SPAM1: variants seen among roughly 807,000 people sequenced by gnomAD.
SPAM1 encodes the protein sperm adhesion molecule 1.
A neutral mutation model predicts 29.6 loss-of-function variants in SPAM1; 22 were observed. The ratio of observed to expected loss-of-function variants is 0.74; its 90% CI spans 0.53 to 1.06. The LOEUF is 1.06. Among genes scored for constraint, SPAM1 ranks in the 50% least tolerant of loss-of-function variants. The pLI is 0.00. For missense variants in SPAM1, 534 were observed against 604.0 expected (o/e 0.88, Z 1.21); for synonymous variants, 194 against 204.6 (o/e 0.95, Z 0.44).
downstream of SPAM1, among the ~76,000 whole-genome samples, chr7:123,960,682 C>G (rs530885876): frequency 1.3e-5 from 2 of 151,904 alleles, no homozygotes; most frequent in South Asian, 4.2e-4. Flanking sequence ...TTTCCCCATA[C>G]CCCCCTAGAA....
chr7:123,932,887 G>T (rs1481678974), intron 1 of SPAM1, among the ~76,000 whole-genome samples: 1 of 152,088 alleles, frequency 6.6e-6, no homozygotes, highest in Non-Finnish European at 1.5e-5. Flanking sequence ...AGTGCGCAGG[G>T]TGTCCCAGCC....
At chr7:123,928,129 A>G (rs553150701) in intron 1 of SPAM1, among the ~76,000 whole-genome samples, 69 of 152,230 alleles carry the variant, frequency 4.5e-4, no homozygotes, top group African/African-American at 1.4e-3. Context: ...GTATAAAAAA[A>G]CCCTGCTATA....
chr7:123,960,757 A>G (rs1418108968), downstream of SPAM1, among the ~76,000 whole-genome samples: 1 of 151,902 alleles, frequency 6.6e-6, no homozygotes. Flanking sequence ...TTATGGCACA[A>G]GTCATTAGGA....
chr7:123,935,063 T>C (rs1474149314), intron 1 of SPAM1, among the ~76,000 whole-genome samples: 2 of 152,194 alleles, frequency 1.3e-5, no homozygotes, highest in Non-Finnish European at 2.9e-5. Flanking sequence ...TTATTATGCA[T>C]TGTATACGTG....
At chr7:123,925,804 C>T (rs1807862181) in intron 1 of SPAM1, 1 of 151,064 alleles carries the variant, frequency 6.6e-6, no homozygotes, top group Non-Finnish European at 1.5e-5. Context: ...TGGTCTGCTA[C>T]TGTGTTGCGA....
chr7:123,956,824 T>A (rs964654988), intron 4 of SPAM1, among the ~76,000 whole-genome samples: 1 of 152,028 alleles, frequency 6.6e-6, no homozygotes, highest in African/African-American at 2.4e-5. Context: ...GTGTACTTGA[T>A]TCCCAGATCT....
chr7:123,937,455 G>T (rs1315564100), intron 1 of SPAM1, among the ~76,000 whole-genome samples: 3 of 152,000 alleles, frequency 2.0e-5, no homozygotes, highest in Non-Finnish European at 4.4e-5. Context: ...CAAAAAATTA[G>T]CCGGGCATGG....
At chr7:123,961,701 T>C (rs1169032257), downstream of SPAM1, among the ~76,000 whole-genome samples, 1 of 151,984 alleles carries the variant, frequency 6.6e-6, no homozygotes, top group Non-Finnish European at 1.5e-5. Flanking sequence ...TGCTGTATCC[T>C]ATGTGTATTA....
At chr7:123,951,824 G>A (rs549175479) in intron 2 of SPAM1, among the ~76,000 whole-genome samples, 2 of 152,172 alleles carry the variant, frequency 1.3e-5, no homozygotes, top group Admixed American at 6.5e-5. Flanking sequence ...GTTTCACCAC[G>A]TTGGTCAGGC....
chr7:123,970,290 C>T (rs1792481137), exon 6 of SPAM1: 1 of 1,543,258 alleles, frequency 6.5e-7, no homozygotes, highest in African/African-American at 1.4e-5. Flanking sequence ...CTTCCCTTGG[C>T]TTACAGGTGA....
chr7:123,935,408 A>G (rs146764982), intron 1 of SPAM1, among the ~76,000 whole-genome samples: 34 of 152,328 alleles, frequency 2.2e-4, no homozygotes, highest in African/African-American at 7.9e-4. Flanking sequence ...CCCATATTTT[A>G]CAGTTTAAAA....
chr7:123,938,406 T>C (rs1012356986), intron 1 of SPAM1, among the ~76,000 whole-genome samples: 6 of 152,236 alleles, frequency 3.9e-5, no homozygotes, highest in African/African-American at 1.4e-4. Context: ...TCCTAAGTGC[T>C]CCATTTAGAG....
downstream of SPAM1, among the ~76,000 whole-genome samples, chr7:123,963,227 T>C (rs764407657): frequency 9.2e-5 from 14 of 151,926 alleles, no homozygotes; most frequent in East Asian, 1.7e-3. Context: ...TGAACAACAC[T>C]GGTCTTTATA....
intron 1 of SPAM1, among the ~76,000 whole-genome samples, chr7:123,942,931 C>A (rs1808473143): frequency 6.6e-6 from 1 of 152,192 alleles, no homozygotes; most frequent in African/African-American, 2.4e-5. Flanking sequence ...ATTCTTATTA[C>A]ACTTATGCAA....
chr7:123,942,947 T>C (rs1427440465), intron 1 of SPAM1, among the ~76,000 whole-genome samples: 1 of 152,230 alleles, frequency 6.6e-6, no homozygotes, highest in Non-Finnish European at 1.5e-5. Flanking sequence ...TGCAAATAAC[T>C]ATATTGCTAT....
intron 5 of SPAM1, among the ~76,000 whole-genome samples, chr7:123,965,802 T>G (rs1379569268): frequency 2.0e-5 from 3 of 152,092 alleles, no homozygotes; most frequent in African/African-American, 7.2e-5. Flanking sequence ...TTCCATTCCT[T>G]GTGAATTTTA....
At chr7:123,952,893 G>C (rs1408920297) in intron 2 of SPAM1, among the ~76,000 whole-genome samples, 18 of 131,446 alleles carry the variant, frequency 1.4e-4, no homozygotes, top group Admixed American at 2.3e-4. Context: ...GCTCCCCTTT[G>C]AAAAAAAAAA....
chr7:123,928,590 T>C (rs1807969977), intron 1 of SPAM1, among the ~76,000 whole-genome samples: 1 of 152,048 alleles, frequency 6.6e-6, no homozygotes, highest in Non-Finnish European at 1.5e-5. Flanking sequence ...CTGAATAGAA[T>C]TAGAGATGAT....
chr7:123,957,122 A>G (rs937311557), intron 4 of SPAM1, among the ~76,000 whole-genome samples: 9 of 152,036 alleles, frequency 5.9e-5, no homozygotes, highest in Non-Finnish European at 7.4e-5. Flanking sequence ...AGTGTTGAAG[A>G]ATATTGACAA....
Sources: allele counts gnomAD v4.1 joint callset (sites outside exome capture counted in the v4.1 genomes callset), GRCh38; gene constraint gnomAD v4.1.1; transcripts MANE v1.5; gene names NCBI Gene and HGNC (gene_info 2026-07-23, HGNC 2026-07-21).